PDE4B: variants seen among roughly 807,000 people sequenced by gnomAD.
PDE4B encodes 3',5'-cyclic-AMP phosphodiesterase 4B.
In PDE4B, 20 loss-of-function variants were observed where a neutral mutation model predicts 82.2. The observed-to-expected ratio is 0.24, with a 90% CI of 0.17 to 0.35. PDE4B has a LOEUF of 0.35. Ranked by LOEUF, PDE4B falls within the 10% of genes least tolerant of loss-of-function variation. The pLI is 1.00. For missense variants in PDE4B, 655 were observed against 907.2 expected (o/e 0.72, Z 3.57); for synonymous variants, 320 against 318.9 (o/e 1.00, Z -0.04).
At chr1:66,144,446 G>A (rs1225716306) in intron 3 of PDE4B, among the ~76,000 whole-genome samples, 1 of 152,170 alleles carries the variant, frequency 6.6e-6, no homozygotes, top group African/African-American at 2.4e-5. Context: ...TGAAACTCTA[G>A]TAGAGAATAA....
At chr1:66,007,916 T>C (rs1418976686) in intron 3 of PDE4B, among the ~76,000 whole-genome samples, 2 of 152,158 alleles carry the variant, frequency 1.3e-5, no homozygotes, top group Non-Finnish European at 2.9e-5. Flanking sequence ...ATTTAGTACA[T>C]GTGTTCTGAT....
At chr1:65,971,296 G>C (rs892706223) in intron 3 of PDE4B, among the ~76,000 whole-genome samples, 1 of 151,880 alleles carries the variant, frequency 6.6e-6, no homozygotes, top group Non-Finnish European at 1.5e-5. Flanking sequence ...ATGACACCTG[G>C]TCCTTTAATA....
In PDE4B at chr1:65,986,424, A is replaced by C. The variant is rs563094870; in HGVS notation, c.281+67589A>C. ...TTTGAATTTAGCCTTAATGGATGAG[A>C]CATGACATGCTTGACAAAGATGATA... On this transcript the variant is annotated intron_variant, in intron 3 of 16. Coordinates refer to ENST00000341517, the MANE Select transcript of PDE4B (RefSeq NM_002600.4). Among the ~76,000 whole-genome samples, 7 of 152,336 alleles carry C rather than the reference A, an allele frequency of 4.6e-5. No homozygotes were observed. The East Asian group carries it at 1.3e-3, about 29-fold the overall frequency.
At chr1:66,171,959 T>A (rs7515145) in intron 3 of PDE4B, among the ~76,000 whole-genome samples, 1,940 of 152,316 alleles carry the variant, frequency 0.013, 43 homozygotes, top group African/African-American at 0.044. Flanking sequence ...TTAAAAAATT[T>A]CAACTTCTGT....
Position 65,926,081 on chromosome 1 carries a change from G to A in PDE4B, c.281+7246G>A, listed in dbSNP as rs556960663. ...GAATGCCTCACCCTGGCATGGCTGG[G>A]CTTTGATTACAGTTCCCCCTTGACC... On this transcript the variant is annotated intron_variant, in intron 3 of 16. Coordinates refer to ENST00000341517, the MANE Select transcript of PDE4B (RefSeq NM_002600.4). Among the ~76,000 whole-genome samples the A allele has an allele frequency of 6.6e-5, 10 of 152,206 alleles. No homozygotes were observed. The South Asian group carries it at 2.1e-3, about 32-fold the overall frequency.
At chr1:66,082,920 T>C (rs1248618916) in intron 3 of PDE4B, among the ~76,000 whole-genome samples, 1 of 151,966 alleles carries the variant, frequency 6.6e-6, no homozygotes, top group African/African-American at 2.4e-5. Flanking sequence ...CAGGAGGCAA[T>C]GGGTAGGACA....
At chr1:66,023,769 G>C (rs17128250) in intron 3 of PDE4B, among the ~76,000 whole-genome samples, 5,891 of 152,126 alleles carry the variant, frequency 0.039, 479 homozygotes, top group East Asian at 0.36. Context: ...AGAGTAATAA[G>C]ATATAGTGTA....
intron 3 of PDE4B, among the ~76,000 whole-genome samples, chr1:66,158,406 C>CA (rs1422167318): frequency 1.3e-5 from 2 of 151,884 alleles, no homozygotes; most frequent in African/African-American, 4.8e-5. Context: ...ACAGGTATGT[C>CA]AAAAAAATAT....
intron 3 of PDE4B, among the ~76,000 whole-genome samples, chr1:66,230,684 T>C (rs1651878135): frequency 6.6e-6 from 1 of 152,224 alleles, no homozygotes; most frequent in Non-Finnish European, 1.5e-5. Flanking sequence ...ATTTTTGTTG[T>C]AAGAACAAAA....
intron 3 of PDE4B, among the ~76,000 whole-genome samples, chr1:66,077,791 C>T (rs1373610806): frequency 6.6e-6 from 1 of 152,120 alleles, no homozygotes; most frequent in African/African-American, 2.4e-5. Context: ...CTTGCCTTTA[C>T]CAATTTTTGT....
chr1:66,101,792 C>T (rs1208780842), intron 3 of PDE4B, among the ~76,000 whole-genome samples: 1 of 152,094 alleles, frequency 6.6e-6, no homozygotes, highest in East Asian at 1.9e-4. Context: ...TGCCTGTTCA[C>T]TCTGATGGTA....
At chr1:66,370,970 G>A (rs1053138932) in intron 16 of PDE4B, among the ~76,000 whole-genome samples, 1 of 150,660 alleles carries the variant, frequency 6.6e-6, no homozygotes, top group Admixed American at 6.6e-5. Context: ...ACTTTGCTGT[G>A]AAACTTCCTT....
intron 4 of PDE4B, among the ~76,000 whole-genome samples, chr1:66,255,024 T>C (rs1654086085): frequency 1.3e-5 from 2 of 151,876 alleles, no homozygotes; most frequent in African/African-American, 4.8e-5. Flanking sequence ...TTCTTTTCTT[T>C]TCTCTTTTCT....
chr1:66,173,639 A>G (rs1245551416), intron 3 of PDE4B, among the ~76,000 whole-genome samples: 2 of 152,254 alleles, frequency 1.3e-5, no homozygotes, highest in African/African-American at 4.8e-5. Flanking sequence ...AAGATTCAAC[A>G]GCTGAAGGCT....
chr1:66,201,681 C>A (rs918775922), intron 3 of PDE4B, among the ~76,000 whole-genome samples: 4 of 134,416 alleles, frequency 3.0e-5, no homozygotes, highest in African/African-American at 1.2e-4. Flanking sequence ...TCTGTGGGAT[C>A]TGTGGTGATA....
chr1:66,027,122 G>A (rs1653481169), intron 3 of PDE4B, among the ~76,000 whole-genome samples: 1 of 152,084 alleles, frequency 6.6e-6, no homozygotes, highest in Admixed American at 6.6e-5. Context: ...GTATTAATCT[G>A]TTTCATGCTG....
intron 3 of PDE4B, among the ~76,000 whole-genome samples, chr1:65,940,953 T>C (rs1263832813): frequency 6.6e-6 from 1 of 152,082 alleles, no homozygotes; most frequent in Non-Finnish European, 1.5e-5. Context: ...ATAGGCATAA[T>C]CTCTTGATGT....
chr1:65,981,596 A>C (rs990277196), intron 3 of PDE4B, among the ~76,000 whole-genome samples: 1 of 151,494 alleles, frequency 6.6e-6, no homozygotes, highest in Non-Finnish European at 1.5e-5. Flanking sequence ...TAAGTTTTGA[A>C]GTCAGATGTT....
chr1:65,857,240 A>C (rs2100238608), intron 1 of PDE4B, among the ~76,000 whole-genome samples: 1 of 152,208 alleles, frequency 6.6e-6, no homozygotes, highest in East Asian at 1.9e-4. Context: ...CAGAGTCAAA[A>C]CCAGATTCCT....
Sources: gnomAD v4.1 joint callset for allele counts (sites outside exome capture counted in the v4.1 genomes callset) on GRCh38, gnomAD v4.1.1 for gene constraint, MANE v1.5 for transcripts, NCBI Gene and HGNC (gene_info 2026-07-23, HGNC 2026-07-21) for gene names.